Variants in VPS54 observed in about 807,000 individuals in gnomAD.
VPS54 encodes VPS54 subunit of GARP complex.
In VPS54, 45 loss-of-function variants were observed where a neutral mutation model predicts 121.5. The ratio of observed to expected loss-of-function variants is 0.37; its 90% CI spans 0.29 to 0.47. The LOEUF (loss-of-function observed/expected upper bound fraction) is 0.47, where lower values mean the gene tolerates loss of function less well. Ranked by LOEUF, VPS54 falls within the 20% of genes least tolerant of loss-of-function variation. VPS54 has a pLI of 0.99. For missense variants in VPS54, 1,090 were observed against 1,131.4 expected, an observed-to-expected ratio of 0.96 and a Z score of 0.52; for synonymous variants, 371 against 385.8, an observed-to-expected ratio of 0.96 and a Z score of 0.45.
chr2:63,936,524 C>T (rs925430874), intron 11 of VPS54, among the ~76,000 whole-genome samples: 2 of 152,016 alleles, frequency 1.3e-5, no homozygotes, highest in Admixed American at 1.3e-4. Context: ...ATAATGACAA[C>T]TGATATTGTC....
intron 18 of VPS54, 114 bp downstream of exon 18, chr2:63,913,109 G>T: frequency 1.3e-6 from 1 of 793,706 alleles, no homozygotes. Flanking sequence ...TTTATTTTTA[G>T]AGTAATGCCA....
intron 5 of VPS54, among the ~76,000 whole-genome samples, chr2:63,968,267 A>C (rs1676104426): frequency 6.6e-6 from 1 of 152,174 alleles, no homozygotes; most frequent in African/African-American, 2.4e-5. Context: ...GAAGAGGTTG[A>C]ATGATCAGCA....
chr2:63,915,064 T>A (rs1326463515), intron 16 of VPS54, among the ~76,000 whole-genome samples: 1 of 145,886 alleles, frequency 6.9e-6, no homozygotes, highest in East Asian at 2.0e-4. Context: ...GGCAGGAGAA[T>A]CGTTTGAACC....
chr2:63,961,672 T>G (rs1392637894), intron 7 of VPS54, among the ~76,000 whole-genome samples: 1 of 152,222 alleles, frequency 6.6e-6, no homozygotes, highest in Non-Finnish European at 1.5e-5. Context: ...TTTTAATAAT[T>G]ATTCAATTTT....
intron 12 of VPS54, among the ~76,000 whole-genome samples, chr2:63,924,103 G>A (rs1466356572): frequency 1.3e-5 from 2 of 152,194 alleles, no homozygotes; most frequent in Admixed American, 1.3e-4. Flanking sequence ...AATGTATAAA[G>A]TGAGCCACAA....
intron 5 of VPS54, among the ~76,000 whole-genome samples, chr2:63,968,638 G>C (rs1266193767): frequency 6.6e-6 from 1 of 152,088 alleles, no homozygotes; most frequent in Non-Finnish European, 1.5e-5. Context: ...AGAATCACTG[G>C]AACCCAGGAG....
intron 1 of VPS54, among the ~76,000 whole-genome samples, chr2:63,992,407 G>A (rs1006593916): frequency 4.6e-5 from 7 of 152,122 alleles, no homozygotes; most frequent in East Asian, 1.9e-4. Flanking sequence ...CCTGGACTCC[G>A]TCTCCGTCCA....
intron 16 of VPS54, among the ~76,000 whole-genome samples, chr2:63,915,151 CAAAAAAAAAAAA>C (rs5831674): frequency 1.3e-3 from 31 of 23,850 alleles, no homozygotes; most frequent in South Asian, 0.011. Context: ...AGCTCCGTCT[CAAAAAAAAAAAA>C]AAAAAAAAAA....
chr2:63,970,535 ATT>A (rs1242177660), intron 4 of VPS54, among the ~76,000 whole-genome samples: 1 of 152,038 alleles, frequency 6.6e-6, no homozygotes, highest in Non-Finnish European at 1.5e-5. Flanking sequence ...AATATATAGT[ATT>A]GAGGTTTCTG....
At chr2:64,001,940 C>T (rs2104677255) in intron 1 of VPS54, among the ~76,000 whole-genome samples, 1 of 152,180 alleles carries the variant, frequency 6.6e-6, no homozygotes, top group Non-Finnish European at 1.5e-5. Context: ...ACTTGCAGTC[C>T]TTTTGGCTTA....
intron 3 of VPS54, among the ~76,000 whole-genome samples, chr2:63,980,654 G>A (rs74727036): frequency 0.013 from 2,005 of 152,182 alleles, 21 homozygotes; most frequent in South Asian, 0.016. Context: ...TGTAAGGGAA[G>A]GAATGGATGT....
intron 20 of VPS54, 113 bp from the exon 21 acceptor site, chr2:63,899,694 G>C (rs1485317934): frequency 1.2e-6 from 1 of 824,034 alleles, no homozygotes; most frequent in Non-Finnish European, 1.9e-6. Context: ...TTCTGGCATA[G>C]TACTTAAGCT....
intron 1 of VPS54, among the ~76,000 whole-genome samples, chr2:63,986,486 A>G (rs1677059029): frequency 6.6e-6 from 1 of 152,192 alleles, no homozygotes; most frequent in Admixed American, 6.5e-5. Context: ...TATATGTACC[A>G]CATTTTCTTT....
At position 63,928,398 on chromosome 2, in the gene VPS54, C is replaced by T. The variant is rs149268244; in HGVS notation, c.1739+5275G>A. 5.7e-3 allele frequency among the ~76,000 whole-genome samples: 862 copies of T among 152,240 alleles called. 9 individuals are homozygous for T. The highest frequency in any genetic ancestry group is 0.019 in the African/African-American group (806 of 41,536). On this transcript the variant is annotated intron_variant, in intron 12 of 22. Transcript: ENST00000272322. ...AATTTTCAACCCAGAATTTCATATC[C>T]AGCCAAACTAAGCTTCATAAGTGAA...
chr2:63,994,355 T>C (rs1425722598), intron 1 of VPS54, among the ~76,000 whole-genome samples: 1 of 152,188 alleles, frequency 6.6e-6, no homozygotes, highest in Non-Finnish European at 1.5e-5. Flanking sequence ...CCTTTCACAC[T>C]GATTTACCGG....
intron 5 of VPS54, 56 bp downstream of exon 5, chr2:63,968,901 G>T: frequency 6.8e-7 from 1 of 1,480,124 alleles, no homozygotes; most frequent in Non-Finnish European, 9.2e-7. Context: ...TGCTTGTAAG[G>T]CAAAATTAAA....
chr2:63,919,961 C>T lies in VPS54; in HGVS notation c.2086G>A (p.Asp696Asn). 6.2e-7 allele frequency: 1 copy of T among 1,612,232 alleles called. No individual in the cohort carries two copies. Among genetic ancestry groups the T allele is most frequent in the Non-Finnish European group, 8.5e-7 (1 of 1,178,782 alleles). Residue 696 changes from aspartate (D) to asparagine (N), a missense_variant, in exon 15 of 23, where the codon GAT (aspartate) becomes AAT (asparagine). Physicochemically the swap from Asp to Asn is conservative, Grantham distance 23. This residue lies in a region of VPS54 where 289 missense variants were observed against 374.4 expected (regional missense o/e 0.77). Coordinates refer to ENST00000272322, the MANE Select transcript of VPS54 (RefSeq NM_016516.3). Reference sequence around the variant, plus strand: ...AGATCCTGAAATTCTGCAGGAACATCTGCTTGCTTCCAGCGCTCATTGTCT... The same window carrying T: ...AGATCCTGAAATTCTGCAGGAACATTTGCTTGCTTCCAGCGCTCATTGTCT... ...LLDNERWKQA[D>N]VPAEFQDLVD...
chr2:63,939,920 G>A (rs1420891211), intron 11 of VPS54, among the ~76,000 whole-genome samples: 1 of 151,978 alleles, frequency 6.6e-6, no homozygotes, highest in Non-Finnish European at 1.5e-5. Context: ...AACACGCCCA[G>A]CTAATTTTTG....
intron 6 of VPS54, among the ~76,000 whole-genome samples, chr2:63,963,562 T>C (rs1675861825): frequency 1.3e-5 from 2 of 152,138 alleles, no homozygotes; most frequent in Admixed American, 1.3e-4. Context: ...GACTATTTGG[T>C]CATCAAATCT....
Sources: gnomAD v4.1 joint callset for allele counts (sites outside exome capture counted in the v4.1 genomes callset) on GRCh38, gnomAD v4.1.1 for gene constraint, gnomAD v4.1.1 regional missense constraint, MANE v1.5 for transcripts, NCBI Gene and HGNC (gene_info 2026-07-23, HGNC 2026-07-21) for gene names.